The following TANGO2 variants were observed in gnomAD, a reference collection of about 807,000 sequenced individuals.
TANGO2 encodes the protein transport and golgi organization 2 homolog.
A neutral mutation model predicts 39.1 loss-of-function variants in TANGO2; 26 were observed. The observed-to-expected ratio is 0.67, with a 90% CI of 0.49 to 0.92. The LOEUF (loss-of-function observed/expected upper bound fraction) is 0.92, where lower values mean the gene tolerates loss of function less well. TANGO2 is among the 40% of genes least tolerant of loss of function. The probability of loss-of-function intolerance (pLI) is 0.00; values close to 1 mark genes in which losing one functional copy is unlikely to be tolerated. For missense variants in TANGO2, 326 were observed against 360.1 expected, an observed-to-expected ratio of 0.91 and a Z score of 0.77; for synonymous variants, 131 against 144.5, an observed-to-expected ratio of 0.91 and a Z score of 0.67.
intron 6 of TANGO2, chr22:20,056,629 C>T: frequency 2.2e-6 from 1 of 456,738 alleles, no homozygotes; most frequent in South Asian, 1.5e-5. Flanking sequence ...GCTTCCTCTG[C>T]CAGTGCCCCA....
rs957659809 is a variant in TANGO2, at chr22:20,063,059, G to C, written c.606-279G>C. ...CAATGGCTGGCTTGAGTGGACTTCT[G>C]TCAGGAGAATTGCTTGAACTCGGGA... On this transcript the variant is annotated intron_variant, in intron 7 of 8. Coordinates refer to ENST00000327374, the MANE Select transcript of TANGO2 (RefSeq NM_152906.7). The C allele has an allele frequency of 1.2e-4, 45 of 385,158 alleles. No homozygotes were observed. In the Middle Eastern group the frequency reaches 3.5e-3, roughly 30 times the overall value. The allele number at this position is 385,158 out of a possible 1,614,324, so 23.9% of individuals were successfully genotyped here. A position where few individuals can be genotyped will look rare whatever the true frequency, so the allele number is the denominator to read the frequency against.
chr22:20,020,893 G>A (rs1269605416), upstream of TANGO2, among the ~76,000 whole-genome samples: 1 of 152,148 alleles, frequency 6.6e-6, no homozygotes, highest in Non-Finnish European at 1.5e-5. Flanking sequence ...GCTGGATCAG[G>A]AAGCGCTCAG....
At chr22:20,024,850 C>T (rs993748502) in intron 1 of TANGO2, among the ~76,000 whole-genome samples, 6 of 152,092 alleles carry the variant, frequency 3.9e-5, no homozygotes, top group African/African-American at 1.2e-4. Context: ...CCCCTCTGGC[C>T]CCCAGGGTCT....
At chr22:20,036,884 C>G in intron 2 of TANGO2, 30 bp downstream of exon 2, 1 of 1,614,236 alleles carries the variant, frequency 6.2e-7, no homozygotes. Flanking sequence ...TCTGCTGCGC[C>G]CTGCAGGGTC....
chr22:20,063,282 C>T (rs1184069162), intron 7 of TANGO2, 56 bp from the exon 8 acceptor site: 51 of 1,551,576 alleles, frequency 3.3e-5, no homozygotes, highest in Non-Finnish European at 4.2e-5. Flanking sequence ...GGGCTAGACC[C>T]GGCTGCGGGC....
At chr22:20,044,512 C>G (rs937400457) in intron 3 of TANGO2, among the ~76,000 whole-genome samples, 1 of 151,746 alleles carries the variant, frequency 6.6e-6, no homozygotes. Flanking sequence ...GGTGACAGAG[C>G]GAGACCCTGT....
chr22:20,027,432 G>C (rs922077419), intron 1 of TANGO2, among the ~76,000 whole-genome samples: 4 of 152,226 alleles, frequency 2.6e-5, no homozygotes, highest in Non-Finnish European at 5.9e-5. Flanking sequence ...AAGCTGGGCA[G>C]TGGTGAACCA....
At chr22:20,049,167 C>T (rs1413194204) in intron 3 of TANGO2, among the ~76,000 whole-genome samples, 1 of 152,012 alleles carries the variant, frequency 6.6e-6, no homozygotes, top group African/African-American at 2.4e-5. Context: ...TGCCTCCAAC[C>T]CCCAAATCTC....
intron 6 of TANGO2, among the ~76,000 whole-genome samples, chr22:20,058,651 AAAAAC>A (rs1370664764): frequency 6.6e-6 from 1 of 151,920 alleles, no homozygotes; most frequent in Non-Finnish European, 1.5e-5. Context: ...CAAAAAAAAA[AAAAAC>A]AAAGAAAAAC....
intron 1 of TANGO2, among the ~76,000 whole-genome samples, chr22:20,022,843 C>T (rs2146650610): frequency 6.6e-6 from 1 of 152,324 alleles, no homozygotes; most frequent in South Asian, 2.1e-4. Flanking sequence ...GGGAAGACTT[C>T]TCGAAGTAGG....
intron 1 of TANGO2, among the ~76,000 whole-genome samples, chr22:20,024,911 G>A (rs1218387458): frequency 1.3e-5 from 2 of 152,234 alleles, no homozygotes; most frequent in Admixed American, 6.5e-5. Context: ...CCTATGCAGA[G>A]CTGTCTTGCA....
At chr22:20,045,149 A>C (rs988867014) in intron 3 of TANGO2, among the ~76,000 whole-genome samples, 1 of 152,138 alleles carries the variant, frequency 6.6e-6, no homozygotes, top group African/African-American at 2.4e-5. Flanking sequence ...GTTAGAAATG[A>C]AATCACCCTG....
At chr22:20,039,226 G>A (rs1273551487) in intron 2 of TANGO2, among the ~76,000 whole-genome samples, 1 of 151,510 alleles carries the variant, frequency 6.6e-6, no homozygotes, top group Non-Finnish European at 1.5e-5. Flanking sequence ...GAGCCACCAT[G>A]CCCGGCCTCG....
chr22:20,033,562 G>A (rs1162502870), intron 1 of TANGO2, among the ~76,000 whole-genome samples: 1 of 152,254 alleles, frequency 6.6e-6, no homozygotes, highest in African/African-American at 2.4e-5. Flanking sequence ...CCCCAGAGGA[G>A]CATGTCCCTG....
At chr22:20,034,531 T>G (rs2042479185) in intron 1 of TANGO2, among the ~76,000 whole-genome samples, 1 of 152,166 alleles carries the variant, frequency 6.6e-6, no homozygotes, top group Non-Finnish European at 1.5e-5. Flanking sequence ...AAACTGTGCT[T>G]GGCTTGTGGG....
At chr22:20,056,642 C>G (rs1258244872) in intron 6 of TANGO2, 3 of 456,612 alleles carry the variant, frequency 6.6e-6, no homozygotes, top group Non-Finnish European at 8.8e-6. Flanking sequence ...GTGCCCCAAC[C>G]TGGAGAGAAT....
At chr22:20,037,037 CG>C in intron 2 of TANGO2, 183 bp downstream of exon 2, 1 of 1,557,152 alleles carries the variant, frequency 6.4e-7, no homozygotes, top group Non-Finnish European at 8.7e-7. Context: ...CCTCTCGGGG[CG>C]GGGACTCCAG....
Position 20,063,357 on chromosome 22 carries a change from A to G in TANGO2, c.625A>G (p.Ile209Val), listed in dbSNP as rs2147840031. 1 of 1,613,424 alleles carries G rather than the reference A, an allele frequency of 6.2e-7. No individual in the cohort carries two copies. Among genetic ancestry groups the G allele is most frequent in the Non-Finnish European group, 8.5e-7 (1 of 1,179,866 alleles). Residue 209 changes from isoleucine (I) to valine (V), a missense_variant, in exon 8 of 9, where the codon ATC becomes GTC. Coordinates refer to ENST00000327374, the MANE Select transcript of TANGO2 (RefSeq NM_152906.7). ...NEEAQLPDPA[I>V]EDQGGEYVQP... ...CTGCAGGCAGCTGCCAGACCCGGCC[A>G]TCGAGGACCAGGGTGGGGAGTACGT...
intron 6 of TANGO2, among the ~76,000 whole-genome samples, chr22:20,060,561 G>C: frequency 6.6e-6 from 1 of 152,096 alleles, no homozygotes; most frequent in East Asian, 1.9e-4. Flanking sequence ...CACCTCTCTT[G>C]ACCTGAGTTA....
Sources: allele counts gnomAD v4.1 joint callset (sites outside exome capture counted in the v4.1 genomes callset), GRCh38; gene constraint gnomAD v4.1.1; transcripts MANE v1.5; gene names NCBI Gene and HGNC (gene_info 2026-07-23, HGNC 2026-07-21).